RORA: variants seen among roughly 807,000 people sequenced by gnomAD.
RORA encodes the protein nuclear receptor ROR-alpha.
A neutral mutation model predicts 69.5 loss-of-function variants in RORA; 7 were observed. The observed-to-expected ratio is 0.10, with a 90% confidence interval of 0.06 to 0.19. RORA has a LOEUF of 0.19. Ranked by LOEUF, RORA falls within the 10% of genes least tolerant of loss-of-function variation. RORA has a pLI of 1.00. For synonymous variants in RORA, 261 were observed against 240.8 expected (o/e 1.08, Z -0.78); for missense variants, 457 against 663.0 (o/e 0.69, Z 3.41).
intron 7 of RORA, 52 bp downstream of exon 7, chr15:60,503,483 G>T: frequency 6.3e-7 from 1 of 1,581,732 alleles, no homozygotes; most frequent in Non-Finnish European, 8.7e-7. Context: ...TTTAATAAGC[G>T]GGTGAAAGCA....
intron 2 of RORA, among the ~76,000 whole-genome samples, chr15:60,567,937 G>A (rs1224897044): frequency 1.3e-5 from 2 of 152,162 alleles, no homozygotes; most frequent in East Asian, 3.8e-4. Flanking sequence ...GGCCTATGAT[G>A]AACAGAAGGT....
intron 1 of RORA, among the ~76,000 whole-genome samples, chr15:61,058,595 T>C (rs1288353945): frequency 6.6e-6 from 1 of 151,482 alleles, no homozygotes; most frequent in Non-Finnish European, 1.5e-5. Context: ...AAAGGGTGAG[T>C]TGGGGAGGAC....
At chr15:60,911,168 C>T (rs931694287) in intron 1 of RORA, among the ~76,000 whole-genome samples, 1 of 143,174 alleles carries the variant, frequency 7.0e-6, no homozygotes, top group African/African-American at 2.7e-5. Flanking sequence ...TTCCTGACCT[C>T]AGGTGATTCA....
chr15:60,592,905 G>T, intron 2 of RORA: 1 of 455,736 alleles, frequency 2.2e-6, no homozygotes, highest in Non-Finnish European at 4.4e-6. Flanking sequence ...CTCGCAACCC[G>T]ACGCCACTCT....
chr15:60,793,269 A>C (rs2072443382), intron 1 of RORA, among the ~76,000 whole-genome samples: 1 of 152,224 alleles, frequency 6.6e-6, no homozygotes, highest in Non-Finnish European at 1.5e-5. Flanking sequence ...TACAGTAACT[A>C]AGTCTTAGTC....
chr15:60,925,493 A>G (rs1892187890), intron 1 of RORA, among the ~76,000 whole-genome samples: 1 of 152,162 alleles, frequency 6.6e-6, no homozygotes, highest in Admixed American at 6.5e-5. Context: ...CTAACAATAC[A>G]TTGTCTGTAG....
At chr15:60,751,880 T>A (rs1285622993) in intron 1 of RORA, among the ~76,000 whole-genome samples, 4 of 152,090 alleles carry the variant, frequency 2.6e-5, no homozygotes, top group Admixed American at 2.6e-4. Context: ...ACACTCCAAG[T>A]AAGGATGGGA....
intron 1 of RORA, among the ~76,000 whole-genome samples, chr15:60,728,314 A>G (rs1389941029): frequency 6.6e-6 from 1 of 152,170 alleles, no homozygotes. Context: ...TTACCGTTCA[A>G]CAATATTAAG....
chr15:60,552,261 T>C (rs889216563), intron 2 of RORA, among the ~76,000 whole-genome samples: 3 of 152,202 alleles, frequency 2.0e-5, no homozygotes, highest in African/African-American at 7.2e-5. Context: ...TGCACTGCAG[T>C]CATTTCAGAG....
intron 1 of RORA, among the ~76,000 whole-genome samples, chr15:60,958,530 C>A (rs988696642): frequency 1.3e-5 from 2 of 152,026 alleles, no homozygotes; most frequent in African/African-American, 4.8e-5. Flanking sequence ...TCGATTATAC[C>A]CAATCTTCCC....
In RORA at chr15:61,032,707, A is replaced by G. The variant is rs76604394; in HGVS notation, c.166+196346T>C. ...TCTAACACAGCCCAGACATCTACCT[A>G]TTCCTGCCCTGGCTTCAGCAAGAAT... On this transcript the variant is annotated intron_variant, in intron 1 of 10. Transcript: ENST00000335670. Among the ~76,000 whole-genome samples, 99 of 152,298 alleles carry G rather than the reference A, an allele frequency of 6.5e-4. No homozygotes were observed. In the East Asian group the frequency reaches 9.1e-3, roughly 14 times the overall value.
At chr15:61,175,777 G>A (rs2079624070) in intron 1 of RORA, among the ~76,000 whole-genome samples, 2 of 152,090 alleles carry the variant, frequency 1.3e-5, no homozygotes, top group African/African-American at 4.8e-5. Flanking sequence ...GTTTGCCCAG[G>A]CCACAGAGCT....
intron 3 of RORA, chr15:60,520,429 T>C (rs1233352015): frequency 6.6e-6 from 1 of 152,010 alleles, no homozygotes; most frequent in Non-Finnish European, 1.5e-5. Context: ...TCTCAGAGGA[T>C]TAAGGGTTTG....
intron 1 of RORA, among the ~76,000 whole-genome samples, chr15:60,794,458 C>G (rs1477083679): frequency 1.3e-5 from 2 of 151,960 alleles, no homozygotes; most frequent in Non-Finnish European, 1.5e-5. Context: ...ACCAGAGAAC[C>G]ATTACACCTG....
chr15:60,728,754 T>A (rs2071394729), intron 1 of RORA, among the ~76,000 whole-genome samples: 1 of 152,124 alleles, frequency 6.6e-6, no homozygotes, highest in Non-Finnish European at 1.5e-5. Flanking sequence ...CACCTAAAGG[T>A]GAGCCAGGCA....
At chr15:60,837,917 T>C (rs2140399229) in intron 1 of RORA, among the ~76,000 whole-genome samples, 1 of 152,330 alleles carries the variant, frequency 6.6e-6, no homozygotes, top group East Asian at 1.9e-4. Flanking sequence ...GCTGCCTCCT[T>C]CATGTCTGTG....
At chr15:60,605,635 C>A (rs920469297) in intron 2 of RORA, among the ~76,000 whole-genome samples, 2 of 151,970 alleles carry the variant, frequency 1.3e-5, no homozygotes, top group Admixed American at 6.6e-5. Context: ...TTAATAGAGG[C>A]AAAACATGAT....
intron 2 of RORA, among the ~76,000 whole-genome samples, chr15:60,668,545 C>G (rs1351917802): frequency 1.3e-5 from 2 of 152,158 alleles, no homozygotes; most frequent in African/African-American, 4.8e-5. Context: ...ACACAAGGGA[C>G]CAAACAGCTA....
At chr15:60,962,025 G>A (rs950179583) in intron 1 of RORA, among the ~76,000 whole-genome samples, 5 of 152,230 alleles carry the variant, frequency 3.3e-5, no homozygotes, top group South Asian at 2.1e-4. Flanking sequence ...AAGGTGCCCC[G>A]GTCCTGACCG....
Sources: allele counts gnomAD v4.1 joint callset (sites outside exome capture counted in the v4.1 genomes callset), GRCh38; gene constraint gnomAD v4.1.1; transcripts MANE v1.5; gene names NCBI Gene and HGNC (gene_info 2026-07-23, HGNC 2026-07-21).